FAM91A1: variants seen among roughly 807,000 people sequenced by gnomAD.
The protein encoded by FAM91A1 is protein FAM91A1.
In FAM91A1, 41 loss-of-function variants were observed where a neutral mutation model predicts 113.5. The ratio of observed to expected loss-of-function variants is 0.36; its 90% CI spans 0.28 to 0.47. The LOEUF is 0.47. Among genes scored for constraint, FAM91A1 ranks in the 20% least tolerant of loss-of-function variants. FAM91A1 has a pLI of 1.00. For synonymous variants in FAM91A1, 307 were observed against 347.9 expected, an observed-to-expected ratio of 0.88 and a Z score of 1.31; for missense variants, 696 against 1,001.2, an observed-to-expected ratio of 0.70 and a Z score of 4.11.
chr8:123,779,581 A>G (rs1487769942), intron 6 of FAM91A1, among the ~76,000 whole-genome samples: 1 of 152,202 alleles, frequency 6.6e-6, no homozygotes, highest in Non-Finnish European at 1.5e-5. Context: ...CTTCAGTCTA[A>G]AGTACCTCTT....
At chr8:123,787,557 C>G in intron 13 of FAM91A1, 107 bp from the exon 14 acceptor site, 2 of 1,074,666 alleles carry the variant, frequency 1.9e-6, no homozygotes, top group South Asian at 1.7e-5. Flanking sequence ...CCTCACCCCC[C>G]AATCCTTAAG....
At chr8:123,784,046 C>T (rs1815189697) in intron 8 of FAM91A1, among the ~76,000 whole-genome samples, 1 of 152,192 alleles carries the variant, frequency 6.6e-6, no homozygotes, top group Non-Finnish European at 1.5e-5. Flanking sequence ...TTTCGTATAG[C>T]GTAGCAACTC....
At chr8:123,808,082 T>C (rs772744644) in intron 20 of FAM91A1, among the ~76,000 whole-genome samples, 190 bp from the exon 21 acceptor site, 2 of 152,206 alleles carry the variant, frequency 1.3e-5, no homozygotes, top group Non-Finnish European at 2.9e-5. Context: ...AGCATCCCTG[T>C]CTTCATTCGT....
rs1815865781 is a variant in FAM91A1 at position 123,808,369 on chromosome 8, A to G, written c.2130A>G (p.Gln710=). ...EEATIDSATK[Q]TSGATTEADW... ...CAACTATAGATTCAGCAACAAAGCAAACCTCTGGTATGGTGCTAAAACTTT... is the reference window on the plus strand; with the variant it reads ...CAACTATAGATTCAGCAACAAAGCAGACCTCTGGTATGGTGCTAAAACTTT... Residue 710 remains glutamine, a synonymous_variant, in exon 21 of 24, where the codon CAA becomes CAG. Transcript: ENST00000334705. 2.5e-6 allele frequency: 4 copies of G among 1,612,984 alleles called. No homozygotes were observed. Among genetic ancestry groups the G allele is most frequent in the Non-Finnish European group, 2.5e-6 (3 of 1,179,374 alleles).
rs1815772475 is a variant in FAM91A1 at position 123,805,167 on chromosome 8, T to C, written c.1810-100T>C. ...AAAGAATTTTGATGAGGTATTAATA[T>C]GGAATATACCATTACATGACACAAT... On this transcript the variant is annotated intron_variant, in intron 18 of 23. Transcript: ENST00000334705. 5 of 895,774 alleles carry C rather than the reference T, an allele frequency of 5.6e-6. No individual in the cohort carries two copies. In the South Asian group the frequency reaches 6.8e-5, roughly 12 times the overall value. The allele number at this position is 895,774 out of a possible 1,614,324, so 55.5% of individuals were successfully genotyped here.
rs1185508589 is a variant in FAM91A1, at chr8:123,787,688, A to G, written c.1216A>G (p.Met406Val). The part of the protein sequence containing the change: ...SPNLKSHAVT[M>V]FEVGKLSDES... ...GAACTTGAAAAGTCATGCAGTCACA[A>G]TGTTTGAAGTAGGCAAACTCTCAGA... The change falls in exon 14 of 24, where the codon ATG becomes GTG. Residue 406 changes from methionine to valine, a missense_variant. Coordinates refer to ENST00000334705, the MANE Select transcript of FAM91A1 (RefSeq NM_144963.4). The G allele has an allele frequency of 1.2e-6, 2 of 1,612,904 alleles. No individual in the cohort carries two copies. The highest frequency in any genetic ancestry group is 1.1e-5 in the South Asian group (1 of 90,858).
chr8:123,811,765 A>T (rs1385335859), intron 23 of FAM91A1, among the ~76,000 whole-genome samples: 1 of 152,134 alleles, frequency 6.6e-6, no homozygotes, highest in Non-Finnish European at 1.5e-5. Flanking sequence ...TGGATGTTTG[A>T]GCATGGAGTC....
intron 20 of FAM91A1, among the ~76,000 whole-genome samples, chr8:123,806,594 AG>A (rs1172676962): frequency 2.0e-5 from 3 of 152,154 alleles, no homozygotes; most frequent in African/African-American, 7.2e-5. Context: ...TTCTGTCAAA[AG>A]GTACCATTGT....
intron 18 of FAM91A1, among the ~76,000 whole-genome samples, chr8:123,803,788 A>G (rs1213459480): frequency 1.3e-5 from 2 of 152,242 alleles, no homozygotes; most frequent in Non-Finnish European, 2.9e-5. Flanking sequence ...GAGAGCTCTC[A>G]GAAATATATT....
At chr8:123,773,378 C>T (rs1157221099) in intron 1 of FAM91A1, among the ~76,000 whole-genome samples, 2 of 152,178 alleles carry the variant, frequency 1.3e-5, no homozygotes, top group African/African-American at 4.8e-5. Context: ...GGATAGCAGT[C>T]ATATATTAAA....
intron 18 of FAM91A1, among the ~76,000 whole-genome samples, chr8:123,803,050 G>GT (rs1295478175): frequency 6.6e-6 from 1 of 152,184 alleles, no homozygotes; most frequent in African/African-American, 2.4e-5. Context: ...GCTCACGCCT[G>GT]TAATTCCAGC....
chr8:123,783,080 G>A (rs187946379), intron 8 of FAM91A1, among the ~76,000 whole-genome samples: 13 of 152,254 alleles, frequency 8.5e-5, no homozygotes, highest in Non-Finnish European at 1.5e-4. Flanking sequence ...GGGGACTGGG[G>A]CAAGAGGATT....
At chr8:123,802,181 T>C (rs1815702125) in intron 18 of FAM91A1, among the ~76,000 whole-genome samples, 2 of 152,122 alleles carry the variant, frequency 1.3e-5, no homozygotes, top group South Asian at 4.1e-4. Flanking sequence ...GGGAGACACC[T>C]GAAGCAAGAA....
intron 18 of FAM91A1, among the ~76,000 whole-genome samples, chr8:123,802,468 C>T (rs1393293957): frequency 2.6e-5 from 4 of 151,862 alleles, no homozygotes; most frequent in Middle Eastern, 3.2e-3. Context: ...CTAGGGAACA[C>T]GGGAGGAAGT....
intron 15 of FAM91A1, among the ~76,000 whole-genome samples, chr8:123,792,020 T>C (rs1815398226): frequency 4.0e-5 from 6 of 151,670 alleles, no homozygotes; most frequent in Admixed American, 1.3e-4. Flanking sequence ...ACTAAAGATA[T>C]AAAAATTAGC....
At chr8:123,808,186 A>G in intron 20 of FAM91A1, 86 bp from the exon 21 acceptor site, 1 of 1,027,040 alleles carries the variant, frequency 9.7e-7, no homozygotes, top group Non-Finnish European at 1.4e-6. Flanking sequence ...CTATTGTCTG[A>G]AGTCTTTTCC....
intron 21 of FAM91A1, 78 bp from the exon 22 acceptor site, chr8:123,808,815 A>G: frequency 1.5e-6 from 2 of 1,355,722 alleles, no homozygotes; most frequent in South Asian, 3.2e-5. Flanking sequence ...CAGGTTAAGA[A>G]ACCCTTGTCA....
At chr8:123,778,518 T>C in intron 5 of FAM91A1, 141 bp from the exon 6 acceptor site, 1 of 595,970 alleles carries the variant, frequency 1.7e-6, no homozygotes, top group Non-Finnish European at 3.0e-6. Flanking sequence ...TGTTAATATC[T>C]AGAATTGTTA....
At chr8:123,792,456 A>G (rs1471250985) in intron 15 of FAM91A1, among the ~76,000 whole-genome samples, 1 of 152,108 alleles carries the variant, frequency 6.6e-6, no homozygotes, top group African/African-American at 2.4e-5. Flanking sequence ...TCGTTTTCTA[A>G]GCATGATTTT....
Sources: gnomAD v4.1 joint callset for allele counts (sites outside exome capture counted in the v4.1 genomes callset) on GRCh38, gnomAD v4.1.1 for gene constraint, MANE v1.5 for transcripts, NCBI Gene and HGNC (gene_info 2026-07-23, HGNC 2026-07-21) for gene names.